The following DSCAML1 variants were observed in gnomAD, a reference collection of about 807,000 sequenced individuals.
DSCAML1 encodes cell adhesion molecule DSCAML1.
DSCAML1 carries 38 observed loss-of-function variants against 200.5 expected under a neutral mutation model. The ratio of observed to expected loss-of-function variants is 0.19; its 90% CI spans 0.15 to 0.25. DSCAML1 has a LOEUF of 0.25. Ranked by LOEUF, DSCAML1 falls within the 10% of genes least tolerant of loss-of-function variation. The pLI is 1.00. For synonymous variants in DSCAML1, 1,215 were observed against 1,165.0 expected (o/e 1.04, Z -0.87); for missense variants, 2,223 against 2,858.8 (o/e 0.78, Z 5.07).
chr11:117,617,229 C>T (rs887668174), intron 3 of DSCAML1, among the ~76,000 whole-genome samples: 1 of 152,140 alleles, frequency 6.6e-6, no homozygotes, highest in Admixed American at 6.5e-5. Flanking sequence ...ACTGGGGACA[C>T]CTTCTGAGCT....
intron 3 of DSCAML1, among the ~76,000 whole-genome samples, chr11:117,687,250 C>T (rs942856717): frequency 1.3e-5 from 2 of 151,892 alleles, no homozygotes; most frequent in Admixed American, 6.6e-5. Context: ...AGCCACTCTG[C>T]GTTTATTTTT....
intron 3 of DSCAML1, among the ~76,000 whole-genome samples, chr11:117,600,688 G>A (rs931639238): frequency 9.2e-5 from 14 of 152,218 alleles, no homozygotes; most frequent in Admixed American, 8.5e-4. Context: ...TCCTCACTAG[G>A]CAGAGAACAC....
At chr11:117,732,261 G>A (rs1038550069) in intron 3 of DSCAML1, among the ~76,000 whole-genome samples, 5 of 152,146 alleles carry the variant, frequency 3.3e-5, no homozygotes, top group Non-Finnish European at 5.9e-5. Context: ...TTATTTTCCA[G>A]TTTATTTTCC....
At position 117,534,031 on chromosome 11, in the gene DSCAML1, C is replaced by G. The variant is rs187390485; in HGVS notation, c.512-1509G>C. 2.0e-5 allele frequency among the ~76,000 whole-genome samples: 3 copies of G among 152,296 alleles called. No individual in the cohort carries two copies. In the East Asian group the frequency reaches 5.8e-4, roughly 29 times the overall value. On this transcript the variant is annotated intron_variant, in intron 3 of 32. Coordinates refer to ENST00000651296, the MANE Select transcript of DSCAML1 (RefSeq NM_020693.4). ...AGGGGAGAGGGTCATGCTGAACCCA[C>G]AGGAAGAACCCGATAGCACCACATG...
chr11:117,670,383 A>G (rs2053079444), intron 3 of DSCAML1, among the ~76,000 whole-genome samples: 1 of 152,084 alleles, frequency 6.6e-6, no homozygotes, highest in Admixed American at 6.6e-5. Context: ...TCACTCCAGT[A>G]AATATCGAAT....
intron 3 of DSCAML1, among the ~76,000 whole-genome samples, chr11:117,761,590 G>A (rs2054803161): frequency 6.6e-6 from 1 of 152,202 alleles, no homozygotes; most frequent in African/African-American, 2.4e-5. Context: ...GGGAATGATG[G>A]CTGGGCACGG....
chr11:117,792,387 G>A (rs2055485123), intron 1 of DSCAML1, among the ~76,000 whole-genome samples: 1 of 152,020 alleles, frequency 6.6e-6, no homozygotes, highest in African/African-American at 2.4e-5. Flanking sequence ...TCGCTGGGAG[G>A]GGCCACTCAG....
chr11:117,591,253 C>A (rs568491727), intron 3 of DSCAML1, among the ~76,000 whole-genome samples: 20 of 152,246 alleles, frequency 1.3e-4, no homozygotes, highest in African/African-American at 4.8e-4. Context: ...GGTTCCAACA[C>A]CCCCATAACC....
chr11:117,651,695 G>C (rs1422720093), intron 3 of DSCAML1, among the ~76,000 whole-genome samples: 3 of 112,230 alleles, frequency 2.7e-5, no homozygotes, highest in African/African-American at 1.0e-4. Flanking sequence ...CTGGGCGACA[G>C]AGCAAGACTC....
intron 3 of DSCAML1, among the ~76,000 whole-genome samples, chr11:117,619,844 G>A (rs1230745509): frequency 6.6e-6 from 1 of 152,152 alleles, no homozygotes; most frequent in Non-Finnish European, 1.5e-5. Flanking sequence ...TCTTGTGGCA[G>A]GTCACTAAGA....
intron 24 of DSCAML1, 93 bp from the exon 25 acceptor site, chr11:117,438,176 G>A (rs2047961613): frequency 7.9e-7 from 1 of 1,258,188 alleles, no homozygotes; most frequent in South Asian, 1.5e-5. Context: ...CTGGGCTCCA[G>A]GCAGGGGGCA....
intron 3 of DSCAML1, among the ~76,000 whole-genome samples, chr11:117,574,123 C>A (rs758334164): frequency 7.9e-5 from 12 of 152,252 alleles, no homozygotes; most frequent in Non-Finnish European, 1.3e-4. Flanking sequence ...CTGGGCCACT[C>A]TGGCAGCTGC....
chr11:117,458,310 G>A (rs551185357), intron 19 of DSCAML1, among the ~76,000 whole-genome samples: 1 of 152,328 alleles, frequency 6.6e-6, no homozygotes, highest in South Asian at 2.1e-4. Context: ...TGCCTTGACA[G>A]TCCAGGGCCA....
intron 11 of DSCAML1, among the ~76,000 whole-genome samples, chr11:117,492,670 C>T (rs534117054): frequency 2.0e-5 from 3 of 152,184 alleles, no homozygotes; most frequent in East Asian, 3.9e-4. Flanking sequence ...TGCTGTTTGG[C>T]GGTGTGAGAT....
At chr11:117,433,385 C>T in intron 28 of DSCAML1, 56 bp downstream of exon 28, 1 of 1,602,956 alleles carries the variant, frequency 6.2e-7, no homozygotes, top group Non-Finnish European at 8.5e-7. Flanking sequence ...CTCCTGGGTC[C>T]TCCTCAGGAC....
chr11:117,637,869 C>T (rs1479215929), intron 3 of DSCAML1, among the ~76,000 whole-genome samples: 4 of 152,220 alleles, frequency 2.6e-5, no homozygotes, highest in African/African-American at 7.2e-5. Flanking sequence ...AATGACTCTG[C>T]TCCCCTTGCA....
chr11:117,670,264 C>T (rs144291719), intron 3 of DSCAML1, among the ~76,000 whole-genome samples: 105 of 152,268 alleles, frequency 6.9e-4, no homozygotes, highest in African/African-American at 2.5e-3. Context: ...CCAGGCTTAC[C>T]AGTCTGCGCA....
intron 3 of DSCAML1, among the ~76,000 whole-genome samples, chr11:117,662,533 G>A (rs991269512): frequency 4.6e-5 from 7 of 152,216 alleles, no homozygotes; most frequent in African/African-American, 1.2e-4. Flanking sequence ...TCTCTCATGG[G>A]TGGCAGATGC....
At chr11:117,506,565 T>TC (rs2049502466) in intron 8 of DSCAML1, among the ~76,000 whole-genome samples, 1 of 148,406 alleles carries the variant, frequency 6.7e-6, no homozygotes, top group African/African-American at 2.5e-5. Flanking sequence ...TTTTTTTTTT[T>TC]TTTTTTTTTG....
Sources: gnomAD v4.1 joint callset for allele counts (sites outside exome capture counted in the v4.1 genomes callset) on GRCh38, gnomAD v4.1.1 for gene constraint, MANE v1.5 for transcripts, NCBI Gene and HGNC (gene_info 2026-07-23, HGNC 2026-07-21) for gene names.